The following SLC66A1 variants were observed in gnomAD, a reference collection of about 807,000 sequenced individuals.
The protein encoded by SLC66A1 is lysosomal amino acid transporter 1 homolog.
Under a neutral mutation model 33.0 loss-of-function variants are expected in SLC66A1, and 23 were observed. That is an observed-to-expected ratio of 0.70 (90% CI 0.50 to 0.99). SLC66A1 has a LOEUF of 0.99. SLC66A1 is among the 50% of genes least tolerant of loss of function. SLC66A1 has a pLI of 0.00. For synonymous variants in SLC66A1, 164 were observed against 175.5 expected, an observed-to-expected ratio of 0.93 and a Z score of 0.52; for missense variants, 335 against 383.6, an observed-to-expected ratio of 0.87 and a Z score of 1.06.
chr1:19,325,430 C>A, intron 3 of SLC66A1, 65 bp from the exon 4 acceptor site: 1 of 1,157,418 alleles, frequency 8.6e-7, no homozygotes, highest in Non-Finnish European at 1.3e-6. Context: ...TGACAGAGGG[C>A]TGCCGGGGCG....
intron 2 of SLC66A1, 137 bp from the exon 3 acceptor site, chr1:19,324,496 G>A: frequency 9.2e-7 from 1 of 1,087,438 alleles, no homozygotes; most frequent in Non-Finnish European, 1.3e-6. Flanking sequence ...CCCGTGGGGA[G>A]GATGGGCCGC....
chr1:19,325,639 G>GAT, intron 4 of SLC66A1, 57 bp downstream of exon 4: 2 of 1,087,536 alleles, frequency 1.8e-6, no homozygotes. Context: ...GGGCAGTTGT[G>GAT]GGGGGGGGCG....
rs367800374 is a variant in SLC66A1 at position 19,325,646 on chromosome 1, G to GGA, written c.382+65_382+66insAG. The GGA allele has an allele frequency of 6.2e-4, 789 of 1,272,040 alleles. 26 individuals carry two copies. The African/African-American group carries it at 0.011, about 17-fold the overall frequency. 78.8% of individuals were successfully genotyped at this position (1,272,040 alleles called of 1,614,324 possible). On this transcript the variant is annotated intron_variant, in intron 4 of 7. Coordinates refer to ENST00000375153, the MANE Select transcript of SLC66A1 (RefSeq NM_001040125.2). ...GCAGCAGGGGGCAGTTGTGGGGGGG[G>GGA]GCGCCTGGAGTGTGGGAGGAAGCGG... is the stretch of plus-strand genomic sequence containing the variant.
At chr1:19,316,913 CTTT>C (rs759496425) in intron 1 of SLC66A1, among the ~76,000 whole-genome samples, 20 of 71,520 alleles carry the variant, frequency 2.8e-4, no homozygotes, top group African/African-American at 1.2e-3. Flanking sequence ...TCTGTCACCT[CTTT>C]TTTTTTTTTT....
chr1:19,325,640 G>GC (rs1553263048), intron 4 of SLC66A1, 58 bp downstream of exon 4: 4 of 1,166,860 alleles, frequency 3.4e-6, no homozygotes, highest in African/African-American at 1.8e-5. Flanking sequence ...GGCAGTTGTG[G>GC]GGGGGGGCGC....
At chr1:19,325,221 C>G (rs1013272646) in intron 3 of SLC66A1, among the ~76,000 whole-genome samples, 5 of 152,180 alleles carry the variant, frequency 3.3e-5, no homozygotes, top group African/African-American at 1.2e-4. Flanking sequence ...ATCACTTCAC[C>G]GCGGAGTCCC....
intron 2 of SLC66A1, among the ~76,000 whole-genome samples, chr1:19,324,388 G>C (rs993988377): frequency 1.3e-5 from 2 of 152,234 alleles, no homozygotes; most frequent in Non-Finnish European, 1.5e-5. Flanking sequence ...TAAGGCTGCG[G>C]CTTTCCCTGG....
intron 2 of SLC66A1, among the ~76,000 whole-genome samples, chr1:19,322,561 G>C (rs542010348): frequency 6.6e-6 from 1 of 152,114 alleles, no homozygotes; most frequent in South Asian, 2.1e-4. Context: ...CAGGAAACTT[G>C]AGGGAATCTG....
downstream of SLC66A1, among the ~76,000 whole-genome samples, chr1:19,333,509 G>A (rs184154211): frequency 2.0e-3 from 307 of 152,226 alleles, 2 homozygotes; most frequent in African/African-American, 6.9e-3. The surrounding 1 kb of genome is among the most constrained non-coding windows in gnomAD (Gnocchi z 4.2). Flanking sequence ...TCCTGAAGCC[G>A]AGGAAGGGGA....
chr1:19,332,001 TGTGATGGAG>T (rs1018108761), downstream of SLC66A1, among the ~76,000 whole-genome samples: 4 of 152,116 alleles, frequency 2.6e-5, no homozygotes, highest in Non-Finnish European at 4.4e-5. Context: ...GAGTGCCCTG[TGTGATGGAG>T]GCGATACAGC....
intron 1 of SLC66A1, among the ~76,000 whole-genome samples, chr1:19,316,877 C>CTT (rs1191965502): frequency 4.3e-5 from 3 of 69,826 alleles, no homozygotes; most frequent in African/African-American, 1.5e-4. Context: ...TTCTTTCTTT[C>CTT]TTTTTTTTTT....
intron 2 of SLC66A1, among the ~76,000 whole-genome samples, chr1:19,320,640 T>A (rs187347986): frequency 2.6e-5 from 4 of 151,678 alleles, no homozygotes; most frequent in Middle Eastern, 3.4e-3. Context: ...TGGTCTCGAT[T>A]TCCTGACCTT....
chr1:19,325,636 T>TTTGG, intron 4 of SLC66A1, 54 bp downstream of exon 4: 1 of 374,848 alleles, frequency 2.7e-6, no homozygotes, highest in Non-Finnish European at 4.8e-6. Context: ...AGGGGGCAGT[T>TTTGG]GTGGGGGGGG....
chr1:19,321,229 A>G (rs1208331102), intron 2 of SLC66A1, among the ~76,000 whole-genome samples: 1 of 121,964 alleles, frequency 8.2e-6, no homozygotes, highest in Non-Finnish European at 1.6e-5. Flanking sequence ...GCTGGAGTGC[A>G]GTAGTGTGAT....
intron 4 of SLC66A1, 88 bp downstream of exon 4, chr1:19,325,670 G>A (rs970632274): frequency 2.6e-5 from 30 of 1,161,380 alleles, no homozygotes; most frequent in Admixed American, 8.4e-5. Context: ...GGGAGGAAGC[G>A]GGTTTCCCAT....
At chr1:19,323,185 G>T (rs1172044657) in intron 2 of SLC66A1, among the ~76,000 whole-genome samples, 1 of 151,924 alleles carries the variant, frequency 6.6e-6, no homozygotes, top group Non-Finnish European at 1.5e-5. Flanking sequence ...AGCCTCCAAA[G>T]TGTTGGGATT....
chr1:19,325,222 G>A lies in SLC66A1; in HGVS notation c.295-273G>A, dbSNP rs916523003. 7.2e-5 allele frequency among the ~76,000 whole-genome samples: 11 copies of A among 152,298 alleles called. 1 individual carries two copies. The South Asian group carries it at 1.5e-3, about 20-fold the overall frequency. ...GCCAAACCAGAGCCATCACTTCACC[G>A]CGGAGTCCCACTTTGTCCTGACTGC... On this transcript the variant is annotated intron_variant, in intron 3 of 7. Coordinates refer to ENST00000375153, the MANE Select transcript of SLC66A1 (RefSeq NM_001040125.2).
intron 2 of SLC66A1, among the ~76,000 whole-genome samples, chr1:19,320,589 AT>A (rs375394805): frequency 9.9e-4 from 146 of 147,284 alleles, no homozygotes; most frequent in Non-Finnish European, 1.9e-3. Context: ...AATTTTTTGT[AT>A]TTTTTTAGTA....
chr1:19,324,298 C>T (rs1006667483), intron 2 of SLC66A1, among the ~76,000 whole-genome samples: 1 of 152,230 alleles, frequency 6.6e-6, no homozygotes, highest in Admixed American at 6.5e-5. Context: ...GTTGTCAGGG[C>T]CCAACACAAA....
Sources: allele counts gnomAD v4.1 joint callset (sites outside exome capture counted in the v4.1 genomes callset), GRCh38; gene constraint gnomAD v4.1.1; non-coding constraint Gnocchi (gnomAD v3.1); transcripts MANE v1.5; gene names NCBI Gene and HGNC (gene_info 2026-07-23, HGNC 2026-07-21).